TRPC4: variants seen among roughly 807,000 people sequenced by gnomAD.
TRPC4 encodes the protein short transient receptor potential channel 4.
Under a neutral mutation model 99.4 loss-of-function variants are expected in TRPC4, and 49 were observed. The observed-to-expected ratio is 0.49, with a 90% CI of 0.39 to 0.63. TRPC4 has a LOEUF of 0.63. TRPC4 is among the 20% of genes least tolerant of loss of function. TRPC4 has a pLI of 0.00. For synonymous variants in TRPC4, 454 were observed against 425.9 expected, an observed-to-expected ratio of 1.07 and a Z score of -0.81; for missense variants, 898 against 1,152.9, an observed-to-expected ratio of 0.78 and a Z score of 3.20.
At chr13:37,713,932 T>C (rs1454015777) in intron 3 of TRPC4, among the ~76,000 whole-genome samples, 1 of 152,138 alleles carries the variant, frequency 6.6e-6, no homozygotes, top group Non-Finnish European at 1.5e-5. Flanking sequence ...AACTTTTATA[T>C]AGGAATTGCC....
At chr13:37,822,539 T>C (rs371166603) in intron 1 of TRPC4, among the ~76,000 whole-genome samples, 4 of 151,312 alleles carry the variant, frequency 2.6e-5, no homozygotes, top group East Asian at 2.0e-4. Context: ...TTTGTTCTTG[T>C]GATAGTTTAC....
chr13:37,725,331 G>A (rs1026557120), intron 3 of TRPC4, among the ~76,000 whole-genome samples: 5 of 151,788 alleles, frequency 3.3e-5, no homozygotes, highest in Non-Finnish European at 4.4e-5. Flanking sequence ...GGAAATAATG[G>A]CCAACATTTC....
chr13:37,717,035 G>GT (rs1464618546), intron 3 of TRPC4, among the ~76,000 whole-genome samples: 1 of 152,106 alleles, frequency 6.6e-6, no homozygotes, highest in Non-Finnish European at 1.5e-5. Context: ...AATAACACAA[G>GT]TAGGTGGAAA....
At chr13:37,654,983 A>G (rs2138637587) in intron 7 of TRPC4, 105 bp downstream of exon 7, 1 of 914,556 alleles carries the variant, frequency 1.1e-6, no homozygotes, top group African/African-American at 1.7e-5. Context: ...TGTCTAATCA[A>G]TAGCTAATTA....
intron 1 of TRPC4, among the ~76,000 whole-genome samples, chr13:37,811,224 A>C (rs1293233144): frequency 2.0e-5 from 3 of 152,186 alleles, no homozygotes; most frequent in Non-Finnish European, 4.4e-5. Context: ...AATTGGCAAC[A>C]TATGCCAAAA....
chr13:37,828,399 G>C (rs559877537), intron 1 of TRPC4, among the ~76,000 whole-genome samples: 12 of 152,316 alleles, frequency 7.9e-5, no homozygotes, highest in African/African-American at 2.9e-4. Flanking sequence ...ATGATAATTA[G>C]TTCCGGCATT....
Position 37,692,267 on chromosome 13 carries a change from C to T in TRPC4, c.966G>A (p.Arg322=). 2 of 1,614,158 alleles carry T rather than the reference C, an allele frequency of 1.2e-6. No individual in the cohort carries two copies. The highest frequency in any genetic ancestry group is 1.7e-6 in the Non-Finnish European group (2 of 1,180,024). The change falls in exon 4 of 11, where the codon AGG becomes AGA. Residue 322 remains arginine, a synonymous_variant. Coordinates refer to ENST00000379705, the MANE Select transcript of TRPC4 (RefSeq NM_016179.4). ...SRWYDEFPGW[R]RRHWAVKMVT... ...CCATCTTCACTGCCCAGTGTCTTCT[C>T]CTCCAGCCTGGAAACTCATCGTACC...
At chr13:37,733,132 G>A (rs376704639) in intron 3 of TRPC4, among the ~76,000 whole-genome samples, 5 of 152,242 alleles carry the variant, frequency 3.3e-5, no homozygotes, top group East Asian at 1.9e-4. Flanking sequence ...AATTAGCCCC[G>A]TGTGGTTGCA....
In TRPC4 at chr13:37,636,776, TA is replaced by T; in HGVS notation, c.*126del. The T allele has an allele frequency of 7.8e-7, 1 of 1,289,536 alleles. No individual in the cohort carries two copies. 79.9% of individuals were successfully genotyped at this position (1,289,536 alleles called of 1,614,324 possible). A position where few individuals can be genotyped will look rare whatever the true frequency, so the allele number is the denominator to read the frequency against. On this transcript the variant is annotated 3_prime_UTR_variant, in exon 11 of 11. Coordinates refer to ENST00000379705, the MANE Select transcript of TRPC4 (RefSeq NM_016179.4). ...CCTTATTTAAACATGTTACAGGTAA[TA>T]TGCCACAGCTGATAAACGCTATAAA...
intron 3 of TRPC4, among the ~76,000 whole-genome samples, chr13:37,725,065 T>A (rs1955002079): frequency 6.6e-6 from 1 of 151,860 alleles, no homozygotes. Flanking sequence ...AAGAATTTTT[T>A]AAAAAAAGAA....
chr13:37,775,957 A>G (rs935170494), intron 2 of TRPC4, among the ~76,000 whole-genome samples: 7 of 151,874 alleles, frequency 4.6e-5, no homozygotes, highest in Admixed American at 2.6e-4. Flanking sequence ...TCTTCAAGAC[A>G]AAAACCATGT....
intron 3 of TRPC4, among the ~76,000 whole-genome samples, chr13:37,708,804 G>A (rs1954375940): frequency 1.3e-5 from 2 of 151,196 alleles, no homozygotes; most frequent in African/African-American, 4.9e-5. Flanking sequence ...AAAGTAAAAA[G>A]TAAAAGTTCC....
chr13:37,714,478 A>G (rs1475535030), intron 3 of TRPC4, among the ~76,000 whole-genome samples: 2 of 152,190 alleles, frequency 1.3e-5, no homozygotes, highest in African/African-American at 4.8e-5. Context: ...TTCTAAACAC[A>G]ACATCTAAAC....
At chr13:37,674,065 T>C (rs762888510) in intron 5 of TRPC4, among the ~76,000 whole-genome samples, 163 bp downstream of exon 5, 58 of 152,148 alleles carry the variant, frequency 3.8e-4, no homozygotes, top group Non-Finnish European at 6.0e-4. Context: ...TGCATTTATT[T>C]ATGTATTTTT....
chr13:37,822,462 C>T (rs1425238456), intron 1 of TRPC4, among the ~76,000 whole-genome samples: 77 of 150,224 alleles, frequency 5.1e-4, no homozygotes, highest in Non-Finnish European at 8.4e-4. Context: ...GATGTTCCCC[C>T]TCCTGTGTCC....
chr13:37,850,888 C>T (rs1196376824), intron 1 of TRPC4, among the ~76,000 whole-genome samples: 1 of 152,130 alleles, frequency 6.6e-6, no homozygotes, highest in Non-Finnish European at 1.5e-5. Flanking sequence ...GCAACAAGAA[C>T]ACGTAATTCC....
At chr13:37,637,665 A>G in intron 10 of TRPC4, 40 bp from the exon 11 acceptor site, 1 of 1,517,016 alleles carries the variant, frequency 6.6e-7, no homozygotes, top group Non-Finnish European at 8.8e-7. Context: ...TTATGACTTA[A>G]ACATTTGGAA....
intron 3 of TRPC4, among the ~76,000 whole-genome samples, chr13:37,725,509 A>G (rs1415600646): frequency 6.6e-6 from 1 of 152,200 alleles, no homozygotes; most frequent in Non-Finnish European, 1.5e-5. Flanking sequence ...CTCATTACAT[A>G]CAAGGAATCC....
chr13:37,787,671 A>C (rs1270520541), intron 1 of TRPC4, among the ~76,000 whole-genome samples: 1 of 152,078 alleles, frequency 6.6e-6, no homozygotes, highest in African/African-American at 2.4e-5. Context: ...TCAAAGTGCA[A>C]TGAACTACTA....
Sources: allele counts gnomAD v4.1 joint callset (sites outside exome capture counted in the v4.1 genomes callset), GRCh38; gene constraint gnomAD v4.1.1; transcripts MANE v1.5; gene names NCBI Gene and HGNC (gene_info 2026-07-23, HGNC 2026-07-21).